Variants in ATP2B2 observed in about 807,000 individuals in gnomAD.
ATP2B2 encodes plasma membrane calcium-transporting ATPase 2.
In ATP2B2, 15 loss-of-function variants were observed where a neutral mutation model predicts 120.0. That is an observed-to-expected ratio of 0.12 (90% CI 0.08 to 0.19). The LOEUF is 0.19. Ranked by LOEUF, ATP2B2 falls within the 10% of genes least tolerant of loss-of-function variation. ATP2B2 has a pLI of 1.00. For synonymous variants in ATP2B2, 694 were observed against 700.3 expected (o/e 0.99, Z 0.14); for missense variants, 1,045 against 1,719.8 (o/e 0.61, Z 6.94).
intron 5 of ATP2B2, among the ~76,000 whole-genome samples, chr3:10,392,127 T>C (rs1048526586): frequency 2.0e-5 from 3 of 152,072 alleles, no homozygotes; most frequent in Non-Finnish European, 4.4e-5. Flanking sequence ...AACCTGACCA[T>C]GAGCCCCTTG....
chr3:10,486,258 A>C (rs2065649628), intron 1 of ATP2B2, among the ~76,000 whole-genome samples: 1 of 152,006 alleles, frequency 6.6e-6, no homozygotes, highest in Non-Finnish European at 1.5e-5. Flanking sequence ...AAGTGCCTAG[A>C]ACTGTTGCAG....
At chr3:10,476,835 G>A (rs1366289097) in intron 1 of ATP2B2, among the ~76,000 whole-genome samples, 1 of 152,240 alleles carries the variant, frequency 6.6e-6, no homozygotes, top group Admixed American at 6.5e-5. Context: ...AGCTAATGCA[G>A]ATGAGCCCTA....
In ATP2B2 at chr3:10,332,649, G is replaced by A. The variant is rs144050119; in HGVS notation, c.3421-3524C>T. On this transcript the variant is annotated intron_variant, in intron 22 of 22. Coordinates refer to ENST00000360273, the MANE Select transcript of ATP2B2 (RefSeq NM_001001331.4). ...GGCTGTGGGCGTGGGCACTGGTTCC[G>A]GAATGGAAGTTCAGCCTCTGTGGCT... 7.8e-3 allele frequency among the ~76,000 whole-genome samples: 1,190 copies of A among 152,254 alleles called. 8 individuals are homozygous for A. The highest frequency in any genetic ancestry group is 0.018 in the South Asian group (85 of 4,828).
chr3:10,406,784 C>T (rs1575140101), intron 3 of ATP2B2, among the ~76,000 whole-genome samples: 1 of 152,362 alleles, frequency 6.6e-6, no homozygotes, highest in South Asian at 2.1e-4. Context: ...TCTAATTCCA[C>T]CCATCAACAT....
chr3:10,622,710 G>T (rs973173275), intron 1 of ATP2B2, among the ~76,000 whole-genome samples: 6 of 152,234 alleles, frequency 3.9e-5, no homozygotes, highest in African/African-American at 1.4e-4. Context: ...CTGAGATGGG[G>T]CTGAGCTCAG....
At position 10,449,394 on chromosome 3, in the gene ATP2B2, A is replaced by G. The variant is rs556799597; in HGVS notation, c.150T>C (p.Tyr50=). 2.5e-6 allele frequency: 4 copies of G among 1,614,238 alleles called. No homozygotes were observed. The highest frequency in any genetic ancestry group is 2.7e-5 in the African/African-American group (2 of 75,054). Residue 50 remains tyrosine, a synonymous_variant, in exon 2 of 23, where the codon TAT becomes TAC. Coordinates refer to ENST00000360273, the MANE Select transcript of ATP2B2 (RefSeq NM_001001331.4). ...TEAVVKIKET[Y]GDTEAICRRL... is the part of the protein sequence containing the mutation. The stretch of plus-strand genomic sequence containing the variant: ...GCCGGCAGATGGCTTCGGTGTCCCC[A>G]TAAGTCTCCTTGATCTTGACCACAG...
chr3:10,405,905 AG>A (rs2062394990), intron 3 of ATP2B2, among the ~76,000 whole-genome samples: 1 of 152,204 alleles, frequency 6.6e-6, no homozygotes, highest in Admixed American at 6.5e-5. Context: ...TGTCACCAGC[AG>A]GGGGTTAGGG....
chr3:10,553,326 C>T (rs1575489692), intron 2 of ATP2B2, among the ~76,000 whole-genome samples: 1 of 152,264 alleles, frequency 6.6e-6, no homozygotes, highest in Non-Finnish European at 1.5e-5. Flanking sequence ...TCCTCAGCGC[C>T]CTGTTCCATG....
chr3:10,367,628 T>C (rs947992529), intron 12 of ATP2B2, among the ~76,000 whole-genome samples: 1 of 152,128 alleles, frequency 6.6e-6, no homozygotes, highest in Non-Finnish European at 1.5e-5. Context: ...AACAGCCTCA[T>C]GGCAGAGGTG....
At chr3:10,446,176 G>A (rs2063831053) in intron 2 of ATP2B2, among the ~76,000 whole-genome samples, 1 of 152,188 alleles carries the variant, frequency 6.6e-6, no homozygotes, top group Non-Finnish European at 1.5e-5. Flanking sequence ...ATGCATAACA[G>A]CCTTGTACAA....
chr3:10,525,255 C>T (rs753623390), intron 3 of ATP2B2, among the ~76,000 whole-genome samples: 5 of 152,198 alleles, frequency 3.3e-5, no homozygotes, highest in South Asian at 2.1e-4. Context: ...GCTAAAGCAC[C>T]GACCAGCCTT....
chr3:10,612,567 T>G (rs2069271027), intron 2 of ATP2B2, among the ~76,000 whole-genome samples: 1 of 152,158 alleles, frequency 6.6e-6, no homozygotes, highest in Admixed American at 6.5e-5. Flanking sequence ...GAGCTCTTTT[T>G]TTTCTCCCTA....
Position 10,439,454 on chromosome 3 carries a change from A to G in ATP2B2, c.199+9891T>C, listed in dbSNP as rs772012396. Among the ~76,000 whole-genome samples, 105 of 152,130 alleles carry G rather than the reference A, an allele frequency of 6.9e-4. 1 individual carries two copies. The highest frequency in any genetic ancestry group is 2.0e-4 in the Admixed American group (3 of 15,282). On this transcript the variant is annotated intron_variant, in intron 2 of 22. Coordinates refer to ENST00000360273, the MANE Select transcript of ATP2B2 (RefSeq NM_001001331.4). ...CATGCATCCCCTTGGGGCCCCCGCA[A>G]AGACCAACTTCGCCTAAGACCCCTG... is the stretch of plus-strand genomic sequence containing the variant.
At chr3:10,336,351 G>A in intron 22 of ATP2B2, 1 of 1,521,188 alleles carries the variant, frequency 6.6e-7, no homozygotes, top group East Asian at 2.5e-5. Context: ...GAGCACAACG[G>A]CTACATGACT....
chr3:10,495,937 G>A (rs2066130276), intron 1 of ATP2B2, among the ~76,000 whole-genome samples: 1 of 152,230 alleles, frequency 6.6e-6, no homozygotes, highest in African/African-American at 2.4e-5. Context: ...CCCAGCAGGA[G>A]TTGTTTCTGG....
At chr3:10,388,559 C>A (rs1417084485) in intron 5 of ATP2B2, among the ~76,000 whole-genome samples, 157 bp from the exon 6 acceptor site, 5 of 152,188 alleles carry the variant, frequency 3.3e-5, no homozygotes, top group African/African-American at 9.7e-5. Context: ...GTGTGGTGGG[C>A]TCTTTCAAGA....
At chr3:10,512,504 A>G (rs948767727) in intron 3 of ATP2B2, among the ~76,000 whole-genome samples, 10 of 120,504 alleles carry the variant, frequency 8.3e-5, no homozygotes, top group South Asian at 3.1e-4. Context: ...ACACACACAC[A>G]CACACACACA....
In ATP2B2 at chr3:10,340,487, C is replaced by T. The variant is rs766627719; in HGVS notation, c.3129+6G>A. 2 of 1,614,174 alleles carry T rather than the reference C, an allele frequency of 1.2e-6. No individual in the cohort carries two copies. Among genetic ancestry groups the T allele is most frequent in the South Asian group, 1.1e-5 (1 of 91,074 alleles). ...CCGGGCCTGGTTAGGGTGGGGGCCT[C>T]ACTACCTGGATGGCAAAGGTGCCCA... On this transcript the variant is annotated splice_donor_region_variant and intron_variant, in intron 20 of 22. Transcript: ENST00000360273. This position sits in a 1 kb window ranked among gnomAD's most constrained non-coding sequence, Gnocchi z 5.0.
chr3:10,606,990 G>T (rs1164180181), intron 2 of ATP2B2, among the ~76,000 whole-genome samples: 2 of 38,348 alleles, frequency 5.2e-5, no homozygotes, highest in East Asian at 1.2e-3. Flanking sequence ...AAGAAAGAGA[G>T]AGAGAGAGAC....
Sources: gnomAD v4.1 joint callset for allele counts (sites outside exome capture counted in the v4.1 genomes callset) on GRCh38, gnomAD v4.1.1 for gene constraint, Gnocchi (gnomAD v3.1) non-coding constraint, MANE v1.5 for transcripts, NCBI Gene and HGNC (gene_info 2026-07-23, HGNC 2026-07-21) for gene names.